The following BAZ2B variants were observed in gnomAD, a reference collection of about 807,000 sequenced individuals.
BAZ2B encodes the protein bromodomain adjacent to zinc finger domain protein 2B.
In BAZ2B, 91 loss-of-function variants were observed where a neutral mutation model predicts 246.0. The ratio of observed to expected loss-of-function variants is 0.37; its 90% confidence interval spans 0.31 to 0.44. The LOEUF (loss-of-function observed/expected upper bound fraction) is 0.44, where lower values mean the gene tolerates loss of function less well. Ranked by LOEUF, BAZ2B falls within the 20% of genes least tolerant of loss-of-function variation. The probability of loss-of-function intolerance (pLI) is 1.00; values close to 1 mark genes in which losing one functional copy is unlikely to be tolerated. For missense variants in BAZ2B, 2,332 were observed against 2,533.7 expected, an observed-to-expected ratio of 0.92 and a Z score of 1.71; for synonymous variants, 855 against 860.0, an observed-to-expected ratio of 0.99 and a Z score of 0.10.
the BAZ2B span, among the ~76,000 whole-genome samples, chr2:159,631,123 G>A: frequency 6.6e-6 from 1 of 152,126 alleles, no homozygotes; most frequent in South Asian, 2.1e-4. Context: ...TTGAGCCCAG[G>A]AGGGCAAAAC....
At chr2:159,542,172 G>A (rs2086733691) in intron 2 of BAZ2B, among the ~76,000 whole-genome samples, 1 of 152,146 alleles carries the variant, frequency 6.6e-6, no homozygotes, top group Non-Finnish European at 1.5e-5. Flanking sequence ...AGTGAACAGA[G>A]CCTATGGAAC....
At chr2:159,347,692 T>G (rs2068123512) in intron 30 of BAZ2B, 46 bp from the exon 31 acceptor site, 41 of 1,410,230 alleles carry the variant, frequency 2.9e-5, no homozygotes, top group Non-Finnish European at 3.6e-5. Context: ...TATTAAGCTT[T>G]TCCCCACAGA....
At chr2:159,554,542 T>C (rs2088803790) in intron 2 of BAZ2B, among the ~76,000 whole-genome samples, 1 of 151,762 alleles carries the variant, frequency 6.6e-6, no homozygotes, top group Admixed American at 6.6e-5. Context: ...CCTTTAAAAA[T>C]AAATAAAATT....
the BAZ2B span, among the ~76,000 whole-genome samples, chr2:159,671,347 C>G: frequency 6.6e-6 from 1 of 152,096 alleles, no homozygotes; most frequent in Non-Finnish European, 1.5e-5. Context: ...AAAAAAAATG[C>G]ATGCAAGGGT....
At chr2:159,595,651 T>C (rs1286315141) in intron 1 of BAZ2B, among the ~76,000 whole-genome samples, 13 of 152,232 alleles carry the variant, frequency 8.5e-5, no homozygotes, top group Non-Finnish European at 1.3e-4. Flanking sequence ...TTCATTGAAA[T>C]CTGTTATGTA....
At chr2:159,709,083 C>A in the BAZ2B span, among the ~76,000 whole-genome samples, 1 of 151,592 alleles carries the variant, frequency 6.6e-6, no homozygotes, top group Non-Finnish European at 1.5e-5. Context: ...AACAATGGAC[C>A]TTTAAGTAAT....
rs1577040989 is a variant in BAZ2B at position 159,438,578 on chromosome 2, A to T, written c.1018T>A (p.Phe340Ile). Residue 340 changes from phenylalanine (F) to isoleucine (I), a missense_variant, in exon 8 of 37, where the codon TTC becomes ATC. By Grantham distance (21) the Phe-to-Ile change is conservative. This residue lies in a region of BAZ2B where 161 missense variants were observed against 225.8 expected (regional missense o/e 0.71). Coordinates refer to ENST00000392783, the MANE Select transcript of BAZ2B (RefSeq NM_013450.4). ...PLASESQTHS[F>I]QSQQKQPQVL... ...TGAGGCTGCTTCTGCTGGGATTGGA[A>T]TGAGTGAGTCTGGGATTCAGACGCA... 6.2e-7 allele frequency: 1 copy of T among 1,614,062 alleles called. No individual in the cohort carries two copies. Among genetic ancestry groups the T allele is most frequent in the African/African-American group, 1.3e-5 (1 of 74,942 alleles).
chr2:159,626,984 A>T, the BAZ2B span, among the ~76,000 whole-genome samples: 1 of 152,208 alleles, frequency 6.6e-6, no homozygotes, highest in South Asian at 2.1e-4. Context: ...GATGAAGTGG[A>T]TGTCACCACT....
chr2:159,440,214 C>A (rs1159293593), intron 6 of BAZ2B, among the ~76,000 whole-genome samples: 1 of 151,998 alleles, frequency 6.6e-6, no homozygotes, highest in African/African-American at 2.4e-5. Context: ...GATGGAGCCA[C>A]AAGATTAAGT....
chr2:159,689,674 C>A, the BAZ2B span: 12 of 334,550 alleles, frequency 3.6e-5, no homozygotes, highest in Admixed American at 4.6e-4. Context: ...TCCTGGCCAG[C>A]ATTTTTACTT....
At chr2:159,550,762 G>A (rs772186746) in intron 2 of BAZ2B, among the ~76,000 whole-genome samples, 1 of 151,750 alleles carries the variant, frequency 6.6e-6, no homozygotes, top group Non-Finnish European at 1.5e-5. Context: ...CAATTATTAA[G>A]TATTACTATT....
chr2:159,423,512 T>C (rs1292686255), intron 13 of BAZ2B, among the ~76,000 whole-genome samples: 2 of 152,156 alleles, frequency 1.3e-5, no homozygotes, highest in African/African-American at 4.8e-5. Context: ...GCAATCCCAC[T>C]ACTGGGTATA....
At chr2:159,686,016 C>T in the BAZ2B span, among the ~76,000 whole-genome samples, 13 of 152,190 alleles carry the variant, frequency 8.5e-5, 1 homozygote, top group African/African-American at 3.1e-4. Flanking sequence ...AATCCCAATG[C>T]TTTGGGAGGC....
chr2:159,632,156 G>A, the BAZ2B span, among the ~76,000 whole-genome samples: 376 of 152,226 alleles, frequency 2.5e-3, 2 homozygotes, highest in African/African-American at 8.7e-3. Flanking sequence ...TTTACATCAG[G>A]TACATAGAGA....
chr2:159,325,619 AT>A lies in BAZ2B; in HGVS notation c.6209+33del, dbSNP rs143243926. ...TTCTAAACAAATAAAATGGGGCATT[AT>A]AAATATACAGTGCATGAAAACGGAA... On this transcript the variant is annotated intron_variant, in intron 35 of 36. Transcript: ENST00000392783. 1.9e-3 allele frequency: 3,018 copies of A among 1,556,818 alleles called. 68 individuals carry two copies. In the African/African-American group the frequency reaches 0.039, roughly 20 times the overall value.
intron 6 of BAZ2B, among the ~76,000 whole-genome samples, chr2:159,446,564 T>C (rs535662443): frequency 3.9e-5 from 6 of 152,182 alleles, no homozygotes; most frequent in Non-Finnish European, 8.8e-5. Flanking sequence ...GAAAAGCAAT[T>C]AGAGCAGAGC....
chr2:159,388,895 C>T (rs1033557691), intron 21 of BAZ2B, among the ~76,000 whole-genome samples: 10 of 151,764 alleles, frequency 6.6e-5, no homozygotes, highest in East Asian at 1.9e-4. Flanking sequence ...AAGAGTCTGC[C>T]GCTACAAAAA....
chr2:159,701,977 C>G, the BAZ2B span, among the ~76,000 whole-genome samples: 2 of 152,150 alleles, frequency 1.3e-5, no homozygotes, highest in African/African-American at 4.8e-5. Flanking sequence ...GATTGCCCGT[C>G]TCAGCCTCCC....
chr2:159,598,985 G>A (rs1691441067), intron 1 of BAZ2B, among the ~76,000 whole-genome samples: 1 of 152,120 alleles, frequency 6.6e-6, no homozygotes, highest in African/African-American at 2.4e-5. Flanking sequence ...GCTCATGCCT[G>A]TAATTCTAGC....
Sources: gnomAD v4.1 joint callset for allele counts (sites outside exome capture counted in the v4.1 genomes callset) on GRCh38, gnomAD v4.1.1 for gene constraint, gnomAD v4.1.1 regional missense constraint, MANE v1.5 for transcripts, NCBI Gene and HGNC (gene_info 2026-07-23, HGNC 2026-07-21) for gene names.